DEPTOR: variants seen among roughly 807,000 people sequenced by gnomAD.
DEPTOR encodes DEP domain-containing mTOR-interacting protein.
Under a neutral mutation model 41.6 loss-of-function variants are expected in DEPTOR, and 41 were observed. The ratio of observed to expected loss-of-function variants is 0.98; its 90% CI spans 0.77 to 1.28. The LOEUF (loss-of-function observed/expected upper bound fraction) is 1.28. Among genes scored for constraint, DEPTOR ranks in the 50% most tolerant of loss-of-function variants. DEPTOR has a pLI of 0.00. For missense variants in DEPTOR, 514 were observed against 527.9 expected, an observed-to-expected ratio of 0.97 and a Z score of 0.26; for synonymous variants, 195 against 192.3, an observed-to-expected ratio of 1.01 and a Z score of -0.12.
chr8:120,008,180 C>CT (rs761369866), intron 7 of DEPTOR, among the ~76,000 whole-genome samples: 16 of 152,106 alleles, frequency 1.1e-4, no homozygotes, highest in Non-Finnish European at 1.5e-4. Context: ...TACTTTTTCA[C>CT]TTCTTTTCCC....
intron 1 of DEPTOR, among the ~76,000 whole-genome samples, chr8:119,895,075 T>G (rs911431321): frequency 6.6e-6 from 1 of 152,202 alleles, no homozygotes; most frequent in African/African-American, 2.4e-5. Flanking sequence ...CTATGTCCCA[T>G]TTGATAATCT....
At chr8:119,949,256 ATTTT>A (rs1828322281) in intron 3 of DEPTOR, among the ~76,000 whole-genome samples, 1 of 152,040 alleles carries the variant, frequency 6.6e-6, no homozygotes, top group Admixed American at 6.6e-5. Context: ...CATACACCAC[ATTTT>A]CAGTTTCATC....
chr8:120,008,898 A>G (rs1812489028), intron 7 of DEPTOR, 131 bp from the exon 8 acceptor site: 3 of 770,352 alleles, frequency 3.9e-6, no homozygotes, highest in South Asian at 1.8e-5. Flanking sequence ...ATCCCCTGGC[A>G]GGGAAGAGAG....
chr8:119,954,844 TG>T (rs1554676026), intron 3 of DEPTOR, among the ~76,000 whole-genome samples: 2 of 89,796 alleles, frequency 2.2e-5, no homozygotes. Context: ...AGGCAAATAT[TG>T]GTGTGTGTGT....
chr8:120,032,211 C>CTTTCTTTTTTTTTTTTTTTTTTT (rs1563597910), intron 8 of DEPTOR, among the ~76,000 whole-genome samples: 1 of 120,912 alleles, frequency 8.3e-6, no homozygotes, highest in Non-Finnish European at 1.7e-5. Flanking sequence ...CACTAACTTT[C>CTTTCTTTTTTTTTTTTTTTTTTT]TTTTTTTTTT....
At position 119,928,369 on chromosome 8, in the gene DEPTOR, T is replaced by C. The variant is rs377750134; in HGVS notation, c.123-31T>C. The C allele has an allele frequency of 4.4e-5, 71 of 1,602,732 alleles. 1 individual carries two copies. In the African/African-American group the frequency reaches 8.6e-4, roughly 19 times the overall value. ...TTAATAATTTGTGCTGTCATCAGAA[T>C]TTCCAAAGTAATTGCTAATTTTTCT... is the stretch of plus-strand genomic sequence containing the variant. On this transcript the variant is annotated intron_variant, in intron 1 of 8. Transcript: ENST00000286234.
intron 8 of DEPTOR, among the ~76,000 whole-genome samples, chr8:120,028,956 G>A (rs577916103): frequency 6.6e-6 from 1 of 151,742 alleles, no homozygotes; most frequent in African/African-American, 2.4e-5. Flanking sequence ...GTGATGGCAT[G>A]TGCCTACTTG....
At chr8:120,026,445 C>T (rs545739506) in intron 8 of DEPTOR, among the ~76,000 whole-genome samples, 25 of 150,048 alleles carry the variant, frequency 1.7e-4, no homozygotes, top group African/African-American at 4.9e-4. Context: ...TGGGTTCGAG[C>T]GATTCTCCTG....
chr8:119,886,261 G>A (rs1288801388), intron 1 of DEPTOR, among the ~76,000 whole-genome samples: 1 of 152,182 alleles, frequency 6.6e-6, no homozygotes, highest in African/African-American at 2.4e-5. Context: ...GAACAGGAAT[G>A]TCAGGCCTCA....
At position 119,975,260 on chromosome 8, in the gene DEPTOR, A is replaced by G. The variant is rs191290415; in HGVS notation, c.604+9850A>G. On this transcript the variant is annotated intron_variant, in intron 4 of 8. Transcript: ENST00000286234. ...CAGCTTCTCAAAATAACCAGTACCA[A>G]ACAATCCTTATGCCAGGTAGCCATA... is the stretch of plus-strand genomic sequence containing the variant. Among the ~76,000 whole-genome samples, 6 of 152,314 alleles carry G rather than the reference A, an allele frequency of 3.9e-5. No individual in the cohort carries two copies. In the East Asian group the frequency reaches 1.2e-3, roughly 29 times the overall value.
At position 119,901,640 on chromosome 8, in the gene DEPTOR, C is replaced by CA. The variant is rs550574648; in HGVS notation, c.123-26759dup. ...GCAGTCAGCCGAGATTGTGCCACTG[C>CA]ACTCCAGCCTGGGCAACAGAGCAAG... On this transcript the variant is annotated intron_variant, in intron 1 of 8. Coordinates refer to ENST00000286234, the MANE Select transcript of DEPTOR (RefSeq NM_022783.4). Among the ~76,000 whole-genome samples the CA allele has an allele frequency of 1.6e-4, 24 of 148,828 alleles. No homozygotes were observed. In the South Asian group the frequency reaches 2.7e-3, roughly 17 times the overall value.
chr8:119,981,856 A>G (rs970193960), intron 4 of DEPTOR, among the ~76,000 whole-genome samples: 2 of 151,770 alleles, frequency 1.3e-5, no homozygotes, highest in African/African-American at 4.8e-5. Flanking sequence ...TCTACTAAAA[A>G]TACAAAAAAT....
At chr8:119,874,918 G>A (rs1563953399) in intron 1 of DEPTOR, among the ~76,000 whole-genome samples, 2 of 152,212 alleles carry the variant, frequency 1.3e-5, no homozygotes, top group Non-Finnish European at 2.9e-5. Flanking sequence ...CAACTTGTAC[G>A]CGGGCCCCTG....
intron 1 of DEPTOR, among the ~76,000 whole-genome samples, chr8:119,885,614 T>C (rs1023958070): frequency 6.6e-6 from 1 of 152,370 alleles, no homozygotes; most frequent in African/African-American, 2.4e-5. Context: ...TCTCTTGTTA[T>C]ACTTGAAGAG....
At chr8:119,931,462 G>C (rs1237172913) in intron 3 of DEPTOR, among the ~76,000 whole-genome samples, 1 of 152,172 alleles carries the variant, frequency 6.6e-6, no homozygotes, top group Non-Finnish European at 1.5e-5. Flanking sequence ...TGTGTCAAGT[G>C]CTTAAGTATT....
intron 4 of DEPTOR, among the ~76,000 whole-genome samples, chr8:119,980,439 C>A (rs1828747477): frequency 7.8e-6 from 1 of 128,340 alleles, no homozygotes. Context: ...GACCTGTGTG[C>A]ATTTCATTTT....
At chr8:119,911,851 T>A (rs948257307) in intron 1 of DEPTOR, among the ~76,000 whole-genome samples, 1 of 152,200 alleles carries the variant, frequency 6.6e-6, no homozygotes, top group African/African-American at 2.4e-5. Context: ...CATTCTGTAC[T>A]ACACTATGGT....
At chr8:119,968,338 T>A (rs377511533) in intron 4 of DEPTOR, among the ~76,000 whole-genome samples, 5,434 of 152,186 alleles carry the variant, frequency 0.036, 106 homozygotes, top group African/African-American at 0.052. Context: ...ATTATTATTT[T>A]TTTTTTGGGA....
chr8:119,895,676 G>A (rs994977222), intron 1 of DEPTOR, among the ~76,000 whole-genome samples: 4 of 152,180 alleles, frequency 2.6e-5, no homozygotes, highest in Admixed American at 6.5e-5. Context: ...CCCACCCACA[G>A]CCTAGCAGAT....
Sources: allele counts gnomAD v4.1 joint callset (sites outside exome capture counted in the v4.1 genomes callset), GRCh38; gene constraint gnomAD v4.1.1; transcripts MANE v1.5; gene names NCBI Gene and HGNC (gene_info 2026-07-23, HGNC 2026-07-21).